PAPPA: variants seen among roughly 807,000 people sequenced by gnomAD.
PAPPA encodes pappalysin-1.
PAPPA carries 60 observed loss-of-function variants against 164.0 expected under a neutral mutation model. The ratio of observed to expected loss-of-function variants is 0.37; its 90% CI spans 0.30 to 0.45. PAPPA has a LOEUF of 0.45. PAPPA is among the 20% of genes least tolerant of loss of function. The probability of loss-of-function intolerance (pLI) is 1.00; values close to 1 mark genes in which losing one functional copy is unlikely to be tolerated. For missense variants in PAPPA, 1,782 were observed against 2,087.3 expected (o/e 0.85, Z 2.85); for synonymous variants, 875 against 814.1 (o/e 1.07, Z -1.27).
chr9:116,328,951 A>G (rs1845955063), intron 10 of PAPPA, among the ~76,000 whole-genome samples: 1 of 152,254 alleles, frequency 6.6e-6, no homozygotes, highest in Non-Finnish European at 1.5e-5. Flanking sequence ...AAATTACTTC[A>G]ACAAAAGTTT....
chr9:116,153,903 G>T lies in PAPPA; in HGVS notation c.-270G>T, dbSNP rs1843563918. ...AATAAAACAAGGAGGAAGGCAACCA[G>T]CTGTTAGGGGAAAAATAAGGCAGAT... On this transcript the variant is annotated 5_prime_UTR_variant, in exon 1 of 22. Coordinates refer to ENST00000328252, the MANE Select transcript of PAPPA (RefSeq NM_002581.5). 2 of 215,836 alleles carry T rather than the reference G, an allele frequency of 9.3e-6. No homozygotes were observed. The highest frequency in any genetic ancestry group is 1.7e-5 in the Non-Finnish European group (2 of 116,954). The allele number at this position is 215,836 out of a possible 1,614,324, so 13.4% of individuals were successfully genotyped here.
intron 10 of PAPPA, among the ~76,000 whole-genome samples, chr9:116,312,487 C>T (rs557379722): frequency 5.3e-5 from 8 of 151,918 alleles, no homozygotes; most frequent in South Asian, 2.1e-4. Flanking sequence ...GCTGCTTTGG[C>T]GGTATTGAAT....
chr9:116,330,879 T>C (rs1845982425), intron 10 of PAPPA, among the ~76,000 whole-genome samples: 1 of 152,132 alleles, frequency 6.6e-6, no homozygotes, highest in Non-Finnish European at 1.5e-5. Flanking sequence ...CTAAGCATTC[T>C]GGGTTTCTGC....
intron 6 of PAPPA, among the ~76,000 whole-genome samples, chr9:116,230,970 T>C (rs1844583914): frequency 6.6e-6 from 1 of 152,086 alleles, no homozygotes; most frequent in Non-Finnish European, 1.5e-5. Flanking sequence ...TTTGTGTGTT[T>C]TCTCTATTTT....
intron 10 of PAPPA, among the ~76,000 whole-genome samples, chr9:116,330,970 C>G (rs1845983822): frequency 6.6e-6 from 1 of 152,154 alleles, no homozygotes. Context: ...AGGCCCAAAT[C>G]AAATAACAAC....
intron 18 of PAPPA, 126 bp downstream of exon 18, chr9:116,362,865 A>G: frequency 1.2e-6 from 1 of 866,720 alleles, no homozygotes. Context: ...ACAGAAAGAG[A>G]GATGAATTAG....
intron 15 of PAPPA, among the ~76,000 whole-genome samples, chr9:116,350,849 G>A (rs1181216350): frequency 1.3e-5 from 2 of 152,128 alleles, no homozygotes; most frequent in Non-Finnish European, 1.5e-5. Context: ...TCACCTTTCT[G>A]CACACTTTAC....
intron 9 of PAPPA, among the ~76,000 whole-genome samples, chr9:116,294,263 CATGTGGGT>C (rs1455992169): frequency 2.0e-5 from 3 of 152,120 alleles, no homozygotes; most frequent in Non-Finnish European, 4.4e-5. Flanking sequence ...ATTTCTGGCC[CATGTGGGT>C]ATGTGGCCAA....
At chr9:116,337,688 C>CCT (rs150843649) in intron 13 of PAPPA, among the ~76,000 whole-genome samples, 1 of 150,456 alleles carries the variant, frequency 6.6e-6, no homozygotes, top group Non-Finnish European at 1.5e-5. Flanking sequence ...CTCTCCATCT[C>CCT]CTCTCTCTCT....
chr9:116,361,033 A>C, intron 17 of PAPPA, among the ~76,000 whole-genome samples: 1 of 152,196 alleles, frequency 6.6e-6, no homozygotes, highest in East Asian at 1.9e-4. Context: ...GTGAGCATGA[A>C]AGCACAACAT....
intron 2 of PAPPA, 35 bp from the exon 3 acceptor site, chr9:116,207,421 G>T (rs774446790): frequency 2.3e-6 from 3 of 1,276,754 alleles, no homozygotes; most frequent in South Asian, 3.0e-5. Flanking sequence ...CTTTTTGGGG[G>T]CATGATAACA....
intron 7 of PAPPA, among the ~76,000 whole-genome samples, chr9:116,256,160 A>T (rs547508897): frequency 6.6e-6 from 1 of 152,122 alleles, no homozygotes; most frequent in Non-Finnish European, 1.5e-5. Context: ...AAAACATGAA[A>T]AAAGTAAACA....
At chr9:116,282,829 G>C (rs1845283812) in intron 9 of PAPPA, among the ~76,000 whole-genome samples, 1 of 151,750 alleles carries the variant, frequency 6.6e-6, no homozygotes. Context: ...AGGATCCCAG[G>C]GTCTTTTTAA....
rs1564212402 is a variant in PAPPA at position 116,289,346 on chromosome 9, G to GGCATATATATGCCATATATATA, written c.2954-13400_2954-13399insCCATATATATAGCATATATATG. ...TATGGCATATATATAGCATATATAT[G>GGCATATATATGCCATATATATA]GCATATATATGGCATATATATGGCA... is the stretch of plus-strand genomic sequence containing the variant. On this transcript the variant is annotated intron_variant, in intron 9 of 21. Coordinates refer to ENST00000328252, the MANE Select transcript of PAPPA (RefSeq NM_002581.5). Among the ~76,000 whole-genome samples the GGCATATATATGCCATATATATA allele has an allele frequency of 2.3e-3, 237 of 104,220 alleles. 22 individuals carry two copies. The highest frequency in any genetic ancestry group is 5.7e-3 in the East Asian group (21 of 3,690). 68.4% of individuals were successfully genotyped at this position (104,220 alleles called of 152,430 possible). A position where few individuals can be genotyped will look rare whatever the true frequency, so the allele number is the denominator to read the frequency against.
intron 21 of PAPPA, among the ~76,000 whole-genome samples, chr9:116,395,869 A>G (rs931243588): frequency 1.3e-5 from 2 of 152,166 alleles, no homozygotes; most frequent in African/African-American, 4.8e-5. Flanking sequence ...ACTAAAGTCA[A>G]AGTGACCAGT....
chr9:116,392,437 A>G (rs954854135), intron 21 of PAPPA, among the ~76,000 whole-genome samples: 1 of 152,178 alleles, frequency 6.6e-6, no homozygotes, highest in Non-Finnish European at 1.5e-5. Flanking sequence ...GCTAATAATG[A>G]TAGTCTCCCA....
At chr9:116,269,854 C>T (rs1845117127) in intron 8 of PAPPA, among the ~76,000 whole-genome samples, 1 of 152,170 alleles carries the variant, frequency 6.6e-6, no homozygotes. Flanking sequence ...AGACCCACTG[C>T]CAGACAATGC....
intron 1 of PAPPA, among the ~76,000 whole-genome samples, chr9:116,172,976 G>A (rs1472685339): frequency 6.6e-6 from 1 of 152,152 alleles, no homozygotes; most frequent in Non-Finnish European, 1.5e-5. Context: ...TTCTTTCAAG[G>A]AGTTTATGAG....
intron 7 of PAPPA, among the ~76,000 whole-genome samples, chr9:116,237,955 A>C (rs1587966519): frequency 6.6e-6 from 1 of 152,004 alleles, no homozygotes; most frequent in East Asian, 1.9e-4. Context: ...TCCTGACCTC[A>C]TGATCTGCCT....
Sources: gnomAD v4.1 joint callset for allele counts (sites outside exome capture counted in the v4.1 genomes callset) on GRCh38, gnomAD v4.1.1 for gene constraint, MANE v1.5 for transcripts, NCBI Gene and HGNC (gene_info 2026-07-23, HGNC 2026-07-21) for gene names.